KCNMA1: variants seen among roughly 807,000 people sequenced by gnomAD.
KCNMA1 encodes Calcium-activated potassium channel subunit alpha-1.
A neutral mutation model predicts 140.0 loss-of-function variants in KCNMA1; 29 were observed. That is an observed-to-expected ratio of 0.21 (90% CI 0.15 to 0.28). The LOEUF (loss-of-function observed/expected upper bound fraction) is 0.28, where lower values mean the gene tolerates loss of function less well. KCNMA1 is among the 10% of genes least tolerant of loss of function. The pLI is 1.00. For synonymous variants in KCNMA1, 612 were observed against 611.9 expected, an observed-to-expected ratio of 1.00 and a Z score of 0.00; for missense variants, 880 against 1,602.2, an observed-to-expected ratio of 0.55 and a Z score of 7.70.
At chr10:77,337,489 G>A (rs2089508615) in intron 2 of KCNMA1, among the ~76,000 whole-genome samples, 2 of 152,104 alleles carry the variant, frequency 1.3e-5, no homozygotes. Flanking sequence ...GTGTGGTGCT[G>A]CACACCTGAA....
intron 5 of KCNMA1, among the ~76,000 whole-genome samples, chr10:77,125,686 C>T (rs1289720264): frequency 2.0e-5 from 3 of 152,220 alleles, no homozygotes; most frequent in African/African-American, 4.8e-5. Context: ...TTAGCATCAG[C>T]TCTATGAGGG....
At chr10:77,399,707 T>C (rs983941518) in intron 2 of KCNMA1, among the ~76,000 whole-genome samples, 3 of 152,232 alleles carry the variant, frequency 2.0e-5, no homozygotes, top group African/African-American at 7.2e-5. Context: ...CAATTATCAT[T>C]TGTCATTTCT....
chr10:77,593,639 G>T (rs1158747955), intron 1 of KCNMA1, among the ~76,000 whole-genome samples: 2 of 152,188 alleles, frequency 1.3e-5, no homozygotes, highest in Non-Finnish European at 2.9e-5. Flanking sequence ...GAAAGTGGTA[G>T]GAAAAATGTT....
At chr10:77,618,497 T>C (rs2090333024) in intron 1 of KCNMA1, among the ~76,000 whole-genome samples, 1 of 152,124 alleles carries the variant, frequency 6.6e-6, no homozygotes. Flanking sequence ...AGGTAAAGCC[T>C]GCAGCAACTC....
chr10:77,460,386 T>G (rs2097843709), intron 1 of KCNMA1, among the ~76,000 whole-genome samples: 1 of 152,180 alleles, frequency 6.6e-6, no homozygotes, highest in Non-Finnish European at 1.5e-5. Flanking sequence ...ACCCCACTAA[T>G]GAGTATCTAC....
intron 17 of KCNMA1, among the ~76,000 whole-genome samples, chr10:77,017,921 A>G (rs2092357020): frequency 6.6e-6 from 1 of 152,168 alleles, no homozygotes; most frequent in Non-Finnish European, 1.5e-5. Context: ...AGTACCTAGA[A>G]TAGTGCTGGG....
intron 2 of KCNMA1, among the ~76,000 whole-genome samples, chr10:77,298,893 G>C (rs1044645325): frequency 9.2e-5 from 14 of 152,244 alleles, no homozygotes; most frequent in Admixed American, 7.2e-4. Flanking sequence ...CGGGGAAGGA[G>C]CTGGCCTGGG....
At chr10:77,081,091 C>T (rs1287569904) in intron 12 of KCNMA1, among the ~76,000 whole-genome samples, 1 of 152,144 alleles carries the variant, frequency 6.6e-6, no homozygotes. Flanking sequence ...CCCCAGGCCT[C>T]ACGTGTCCTC....
chr10:77,216,676 G>A (rs970778396), intron 3 of KCNMA1, among the ~76,000 whole-genome samples: 1 of 152,084 alleles, frequency 6.6e-6, no homozygotes, highest in African/African-American at 2.4e-5. Flanking sequence ...AGCTTCTGAA[G>A]GCTTCTAAAT....
At chr10:76,923,428 C>CAAAAAAAAAAAAA (rs926235292) in intron 23 of KCNMA1, among the ~76,000 whole-genome samples, 2 of 89,198 alleles carry the variant, frequency 2.2e-5, no homozygotes, top group Non-Finnish European at 2.2e-5. Flanking sequence ...GACTCCGTCT[C>CAAAAAAAAAAAAA]AAAAAAAAAA....
intron 2 of KCNMA1, among the ~76,000 whole-genome samples, chr10:77,381,580 T>C (rs1461532431): frequency 6.6e-6 from 1 of 152,176 alleles, no homozygotes; most frequent in Non-Finnish European, 1.5e-5. Flanking sequence ...AGATAGCAAT[T>C]TGAATTAACA....
intron 23 of KCNMA1, among the ~76,000 whole-genome samples, chr10:76,925,209 T>C (rs1018182059): frequency 2.6e-5 from 4 of 152,242 alleles, no homozygotes; most frequent in Admixed American, 2.0e-4. Context: ...AATTCTTCTG[T>C]TTTATCTTCA....
At chr10:77,325,326 G>T (rs561358717) in intron 2 of KCNMA1, among the ~76,000 whole-genome samples, 2 of 152,122 alleles carry the variant, frequency 1.3e-5, no homozygotes, top group African/African-American at 4.8e-5. Flanking sequence ...AGCACTGGGC[G>T]TCGAGGAGAG....
At chr10:77,350,787 A>T (rs1180484705) in intron 2 of KCNMA1, 1 of 152,218 alleles carries the variant, frequency 6.6e-6, no homozygotes, top group East Asian at 1.9e-4. Flanking sequence ...GGGGTGCACC[A>T]ATTCACTGTG....
At chr10:77,396,886 C>A (rs1489177423) in intron 2 of KCNMA1, among the ~76,000 whole-genome samples, 1 of 152,182 alleles carries the variant, frequency 6.6e-6, no homozygotes, top group Non-Finnish European at 1.5e-5. Context: ...ATTCTAAGGG[C>A]TCTCTCTAGC....
chr10:77,270,409 G>A (rs929277432), intron 2 of KCNMA1, among the ~76,000 whole-genome samples: 1 of 152,262 alleles, frequency 6.6e-6, no homozygotes, highest in Non-Finnish European at 1.5e-5. Flanking sequence ...GAGAACTGGT[G>A]CTTAGGATGA....
chr10:77,583,329 G>A (rs532786159), intron 1 of KCNMA1, among the ~76,000 whole-genome samples: 37 of 152,292 alleles, frequency 2.4e-4, no homozygotes, highest in Admixed American at 7.2e-4. Flanking sequence ...AAAGATGGAC[G>A]GGGGCACAAA....
chr10:77,478,961 T>A (rs2154530900), intron 1 of KCNMA1, among the ~76,000 whole-genome samples: 1 of 152,258 alleles, frequency 6.6e-6, no homozygotes, highest in Non-Finnish European at 1.5e-5. Flanking sequence ...GAACACTAAA[T>A]CGCACATATT....
At chr10:77,349,391 C>T (rs370497910) in intron 2 of KCNMA1, among the ~76,000 whole-genome samples, 79 of 152,244 alleles carry the variant, frequency 5.2e-4, no homozygotes, top group African/African-American at 1.9e-3. Flanking sequence ...GCTTATCAGC[C>T]CCCCAAGTTT....
Sources: allele counts gnomAD v4.1 joint callset (sites outside exome capture counted in the v4.1 genomes callset), GRCh38; gene constraint gnomAD v4.1.1; transcripts MANE v1.5; gene names NCBI Gene and HGNC (gene_info 2026-07-23, HGNC 2026-07-21).